Variants in B3GAT1 observed in about 807,000 individuals in gnomAD.
B3GAT1 encodes galactosylgalactosylxylosylprotein 3-beta-glucuronosyltransferase 1.
In B3GAT1, 11 loss-of-function variants were observed where a neutral mutation model predicts 28.4. That is an observed-to-expected ratio of 0.39 (90% CI 0.24 to 0.64). The LOEUF is 0.64. Ranked by LOEUF, B3GAT1 falls within the 30% of genes least tolerant of loss-of-function variation. The pLI is 0.50. For missense variants in B3GAT1, 375 were observed against 491.0 expected (o/e 0.76, Z 2.23); for synonymous variants, 255 against 223.1 (o/e 1.14, Z -1.27).
intron 1 of B3GAT1, among the ~76,000 whole-genome samples, chr11:134,396,188 G>C (rs1944502022): frequency 6.6e-6 from 1 of 152,220 alleles, no homozygotes. Flanking sequence ...CTAGGAGCTG[G>C]TCACGAATGC....
At chr11:134,382,318 TGC>T (rs1491053657) in intron 4 of B3GAT1, among the ~76,000 whole-genome samples, 6 of 152,098 alleles carry the variant, frequency 3.9e-5, no homozygotes, top group Non-Finnish European at 1.5e-5. Context: ...TGTGTGTGTG[TGC>T]ATACGTATGC....
At position 134,412,231 on chromosome 11, in the gene B3GAT1, C is replaced by T. The variant is rs1423241645; in HGVS notation, c.-706G>A. Among the ~76,000 whole-genome samples the T allele has an allele frequency of 6.9e-6, 1 of 145,168 alleles. No individual in the cohort carries two copies. The highest frequency in any genetic ancestry group is 2.5e-5 in the African/African-American group (1 of 40,342). ...GAGGTGGCGGCGGATGCGCCGGTGCCGCCGCGGCTCTGCCGGCGCCTCCCG... is the reference window on the plus strand; with the variant it reads ...GAGGTGGCGGCGGATGCGCCGGTGCTGCCGCGGCTCTGCCGGCGCCTCCCG... On this transcript the variant is annotated 5_prime_UTR_variant, in exon 1 of 6. Coordinates refer to ENST00000312527, the MANE Select transcript of B3GAT1 (RefSeq NM_054025.3).
At chr11:134,409,331 G>A (rs945698174) in intron 1 of B3GAT1, among the ~76,000 whole-genome samples, 1 of 152,174 alleles carries the variant, frequency 6.6e-6, no homozygotes, top group African/African-American at 2.4e-5. Flanking sequence ...GGGAGGGGGT[G>A]CATGACTTCT....
chr11:134,391,272 A>G (rs1208686671), intron 1 of B3GAT1: 2 of 152,186 alleles, frequency 1.3e-5, no homozygotes, highest in African/African-American at 4.8e-5. Context: ...CAAGCAGAAC[A>G]CAGAGAGCCC....
chr11:134,381,336 G>A (rs969440522), intron 5 of B3GAT1, among the ~76,000 whole-genome samples: 2 of 152,228 alleles, frequency 1.3e-5, no homozygotes, highest in Non-Finnish European at 2.9e-5. Context: ...TGAGATTTAA[G>A]TGCCATGAAC....
intron 1 of B3GAT1, among the ~76,000 whole-genome samples, chr11:134,395,963 C>T (rs1027021454): frequency 3.3e-5 from 5 of 152,274 alleles, no homozygotes; most frequent in Non-Finnish European, 5.9e-5. Flanking sequence ...GGTGGGAATG[C>T]GGGCCATGGC....
At position 134,379,819 on chromosome 11, in the gene B3GAT1, A is replaced by G. The variant is rs577800912; in HGVS notation, c.*943T>C. 7.1e-6 allele frequency: 1 copy of G among 140,404 alleles called. No homozygotes were observed. Among genetic ancestry groups the G allele is most frequent in the South Asian group, 2.1e-4 (1 of 4,668 alleles). 8.7% of individuals were successfully genotyped at this position (140,404 alleles called of 1,614,324 possible). On this transcript the variant is annotated 3_prime_UTR_variant, in exon 6 of 6. Transcript: ENST00000312527. The stretch of plus-strand genomic sequence containing the variant: ...CCCACCGCCTTGCCCACTGCCCACC[A>G]TGGGCTCACTCCACCCTGAGGTCTG...
chr11:134,387,132 G>GTAGAT, intron 2 of B3GAT1: 1 of 187,578 alleles, frequency 5.3e-6, no homozygotes, highest in Non-Finnish European at 1.1e-5. Flanking sequence ...TGCCGACAGT[G>GTAGAT]CTTCGCCCTT....
intron 1 of B3GAT1, among the ~76,000 whole-genome samples, chr11:134,396,753 C>T (rs1299891548): frequency 6.6e-6 from 1 of 152,188 alleles, no homozygotes; most frequent in Non-Finnish European, 1.5e-5. Flanking sequence ...CTGCTGCCTC[C>T]TTCCAACCAA....
intron 1 of B3GAT1, among the ~76,000 whole-genome samples, chr11:134,405,363 C>T (rs182161761): frequency 1.6e-4 from 24 of 152,308 alleles, no homozygotes; most frequent in Admixed American, 4.6e-4. Flanking sequence ...TCTGAAGCCA[C>T]GGAGGGTCCA....
Position 134,382,789 on chromosome 11 carries a change from C to T in B3GAT1, c.839G>A (p.Gly280Glu). Residue 280 changes from glycine (G) to glutamate (E), a missense_variant, in exon 4 of 6, where the codon GGA (glycine) becomes GAA (glutamate). Physicochemically the swap from Gly to Glu is moderately conservative, Grantham distance 98 (BLOSUM62 -2). Transcript: ENST00000312527. ...QAYFKLRGVKGGYQESSLLRE... is the reference protein window; with the variant it reads ...QAYFKLRGVKEGYQESSLLRE... ...AAGGAGGCTGCTTTCCTGGTAGCCT[C>T]CCTTCACACCTCGCAGCTTGAAGTA... The T allele has an allele frequency of 6.2e-7, 1 of 1,614,206 alleles. No individual in the cohort carries two copies. The highest frequency in any genetic ancestry group is 8.5e-7 in the Non-Finnish European group (1 of 1,180,040).
intron 2 of B3GAT1, chr11:134,384,522 C>T (rs747334592): frequency 9.9e-5 from 35 of 355,034 alleles, no homozygotes; most frequent in Non-Finnish European, 1.6e-4. Context: ...CGTCCCGACC[C>T]TCCCCTCCCT....
At chr11:134,383,457 T>C (rs1325884387) in intron 3 of B3GAT1, among the ~76,000 whole-genome samples, 1 of 152,130 alleles carries the variant, frequency 6.6e-6, no homozygotes, top group African/African-American at 2.4e-5. Flanking sequence ...GCCAGGAATA[T>C]GGTTTAGGGG....
intron 4 of B3GAT1, 116 bp downstream of exon 4, chr11:134,382,594 G>T: frequency 7.9e-7 from 1 of 1,271,932 alleles, no homozygotes; most frequent in Non-Finnish European, 1.1e-6. Context: ...CTGGGAGGGG[G>T]TTCCAGAAAG....
intron 1 of B3GAT1, among the ~76,000 whole-genome samples, chr11:134,399,369 A>G (rs981108357): frequency 2.0e-5 from 3 of 152,132 alleles, no homozygotes; most frequent in Non-Finnish European, 4.4e-5. Context: ...CAATGTATGC[A>G]CCCTAGGAGA....
chr11:134,399,377 A>T lies in B3GAT1; in HGVS notation c.-281-11437T>A, dbSNP rs532879347. On this transcript the variant is annotated intron_variant, in intron 1 of 5. Coordinates refer to ENST00000312527, the MANE Select transcript of B3GAT1 (RefSeq NM_054025.3). Reference sequence around the variant, plus strand: ...CAGCCAGCAATGTATGCACCCTAGGAGAGGCCTGTGGTTTGCTCAGGACAC... The same window carrying T: ...CAGCCAGCAATGTATGCACCCTAGGTGAGGCCTGTGGTTTGCTCAGGACAC... Among the ~76,000 whole-genome samples the T allele has an allele frequency of 3.3e-4, 50 of 152,300 alleles. 3 individuals carry two copies. The South Asian group carries it at 5.0e-3, about 15-fold the overall frequency.
At chr11:134,396,608 G>A (rs1301863011) in intron 1 of B3GAT1, among the ~76,000 whole-genome samples, 2 of 151,542 alleles carry the variant, frequency 1.3e-5, no homozygotes, top group Non-Finnish European at 2.9e-5. Context: ...CTACCACTAG[G>A]CTGTCAGGAT....
chr11:134,384,300 G>A, intron 2 of B3GAT1, 112 bp from the exon 3 acceptor site: 1 of 1,362,108 alleles, frequency 7.3e-7, no homozygotes, highest in Non-Finnish European at 9.7e-7. Context: ...CCCGCTGCAG[G>A]GGCTGCTCAG....
At chr11:134,394,122 A>T (rs1319570708) in intron 1 of B3GAT1, among the ~76,000 whole-genome samples, 5 of 152,114 alleles carry the variant, frequency 3.3e-5, no homozygotes, top group African/African-American at 1.2e-4. Flanking sequence ...CACACCATAT[A>T]GGAGCCACTT....
Sources: gnomAD v4.1 joint callset for allele counts (sites outside exome capture counted in the v4.1 genomes callset) on GRCh38, gnomAD v4.1.1 for gene constraint, MANE v1.5 for transcripts, NCBI Gene and HGNC (gene_info 2026-07-23, HGNC 2026-07-21) for gene names.